Variants in WASF1 observed in about 807,000 individuals in gnomAD.
WASF1 encodes the protein actin-binding protein WASF1.
A neutral mutation model predicts 50.5 loss-of-function variants in WASF1; 7 were observed. The ratio of observed to expected loss-of-function variants is 0.14; its 90% CI spans 0.08 to 0.26. WASF1 has a LOEUF of 0.26. Ranked by LOEUF, WASF1 falls within the 10% of genes least tolerant of loss-of-function variation. The pLI, the probability that WASF1 is intolerant of heterozygous loss-of-function variation, is 1.00. For missense variants in WASF1, 470 were observed against 694.7 expected (o/e 0.68, Z 3.64); for synonymous variants, 205 against 244.0 (o/e 0.84, Z 1.49).
At chr6:110,103,937 G>T (rs1773205738) in intron 8 of WASF1, among the ~76,000 whole-genome samples, 1 of 151,984 alleles carries the variant, frequency 6.6e-6, no homozygotes, top group South Asian at 2.1e-4. Flanking sequence ...AGATGCCAAT[G>T]ACAGAAAGGT....
chr6:110,152,197 A>T (rs1489519907), intron 3 of WASF1, among the ~76,000 whole-genome samples: 1 of 152,148 alleles, frequency 6.6e-6, no homozygotes, highest in African/African-American at 2.4e-5. Context: ...CCAGCTGACA[A>T]CGGAGAAAGG....
rs184292948 is a variant in WASF1 at position 110,168,437 on chromosome 6, T to C, written c.-126-7705A>G. ...GTGATTTTTATGATGTTAACACTAC[T>C]GTATATGAGGCATGCAGTTGTGCAC... On this transcript the variant is annotated intron_variant, in intron 2 of 10. Coordinates refer to ENST00000392589, the MANE Select transcript of WASF1 (RefSeq NM_003931.3). 4.6e-5 allele frequency among the ~76,000 whole-genome samples: 7 copies of C among 152,264 alleles called. No individual in the cohort carries two copies. In the East Asian group the frequency reaches 1.4e-3, roughly 29 times the overall value.
chr6:110,163,196 A>G (rs1476313212), intron 2 of WASF1, among the ~76,000 whole-genome samples: 1 of 151,702 alleles, frequency 6.6e-6, no homozygotes, highest in African/African-American at 2.4e-5. Flanking sequence ...TATGAGAAAA[A>G]CTACAAAACT....
At chr6:110,148,138 A>C (rs1562182354) in intron 3 of WASF1, among the ~76,000 whole-genome samples, 1 of 152,226 alleles carries the variant, frequency 6.6e-6, no homozygotes, top group Non-Finnish European at 1.5e-5. Context: ...TTGAAAAACA[A>C]GATTGTCTTC....
intron 3 of WASF1, among the ~76,000 whole-genome samples, chr6:110,154,400 G>C (rs142215689): frequency 2.8e-4 from 43 of 152,076 alleles, no homozygotes; most frequent in African/African-American, 1.0e-3. Flanking sequence ...CTTTAGAAAA[G>C]AATTCTAAAG....
intron 5 of WASF1, among the ~76,000 whole-genome samples, chr6:110,111,624 G>C (rs1773561022): frequency 6.6e-6 from 1 of 152,144 alleles, no homozygotes; most frequent in African/African-American, 2.4e-5. Flanking sequence ...AATGAACCTT[G>C]AAAACATTAT....
chr6:110,169,859 C>T (rs1467905563), intron 2 of WASF1, among the ~76,000 whole-genome samples: 1 of 152,116 alleles, frequency 6.6e-6, no homozygotes, highest in East Asian at 1.9e-4. Flanking sequence ...CTAGCATATA[C>T]AGGTGCTCAA....
intron 5 of WASF1, among the ~76,000 whole-genome samples, chr6:110,108,948 T>C (rs1456160611): frequency 6.6e-6 from 1 of 152,218 alleles, no homozygotes; most frequent in African/African-American, 2.4e-5. Context: ...GAAACATATC[T>C]ACATTTCAAC....
intron 3 of WASF1, among the ~76,000 whole-genome samples, chr6:110,154,252 T>C (rs1455854865): frequency 6.6e-6 from 1 of 152,102 alleles, no homozygotes; most frequent in Non-Finnish European, 1.5e-5. Context: ...TACAATATCA[T>C]ATGGATTACA....
chr6:110,149,363 T>C (rs1381470321), intron 3 of WASF1, among the ~76,000 whole-genome samples: 1 of 151,922 alleles, frequency 6.6e-6, no homozygotes, highest in African/African-American at 2.4e-5. Context: ...ACCTGACTTC[T>C]AGAATAGAGA....
chr6:110,103,333 T>C lies in WASF1; in HGVS notation c.893+45A>G, dbSNP rs1475696327. On this transcript the variant is annotated intron_variant, in intron 9 of 10. Transcript: ENST00000392589. ...CTATATCGTCCTTGAAAGAAAAAGC[T>C]TACTGACTCCTAAGATAAAACATCA... 4 of 1,573,482 alleles carry C rather than the reference T, an allele frequency of 2.5e-6. No individual in the cohort carries two copies. In the Middle Eastern group the frequency reaches 5.1e-4, roughly 201 times the overall value.
chr6:110,130,027 A>C (rs544682209), intron 3 of WASF1, among the ~76,000 whole-genome samples: 27 of 152,334 alleles, frequency 1.8e-4, no homozygotes, highest in Admixed American at 4.6e-4. Context: ...AAAGGAGACA[A>C]TTTATTAATT....
intron 3 of WASF1, among the ~76,000 whole-genome samples, chr6:110,141,518 C>T (rs1775235064): frequency 6.6e-6 from 1 of 152,126 alleles, no homozygotes; most frequent in African/African-American, 2.4e-5. Context: ...ACAAATGCAT[C>T]TACCGAATTA....
chr6:110,162,201 A>C (rs1380228596), intron 2 of WASF1, among the ~76,000 whole-genome samples: 1 of 151,424 alleles, frequency 6.6e-6, no homozygotes, highest in African/African-American at 2.4e-5. Flanking sequence ...AGGTCCTAGA[A>C]TATAGACAAA....
intron 3 of WASF1, among the ~76,000 whole-genome samples, chr6:110,149,812 C>G (rs1390112822): frequency 6.6e-6 from 1 of 152,154 alleles, no homozygotes. Flanking sequence ...ATCACCTGAG[C>G]AGTGTACACT....
intron 2 of WASF1, among the ~76,000 whole-genome samples, chr6:110,166,209 G>GA (rs1398704691): frequency 4.7e-5 from 7 of 150,160 alleles, no homozygotes; most frequent in African/African-American, 1.2e-4. Flanking sequence ...AAACCAGGGA[G>GA]AAAAAAGACT....
At chr6:110,128,266 C>T (rs973124480) in intron 3 of WASF1, among the ~76,000 whole-genome samples, 7 of 152,184 alleles carry the variant, frequency 4.6e-5, no homozygotes, top group Non-Finnish European at 1.0e-4. Context: ...TCAGCTGCTG[C>T]ATGGTGAATT....
chr6:110,154,583 A>T (rs56209747), intron 3 of WASF1, among the ~76,000 whole-genome samples: 4,899 of 152,144 alleles, frequency 0.032, 99 homozygotes, highest in Middle Eastern at 0.051. Context: ...TAGACTTCAC[A>T]ATTTACCCAT....
intron 2 of WASF1, among the ~76,000 whole-genome samples, chr6:110,165,346 A>C (rs1273382521): frequency 1.3e-5 from 2 of 151,674 alleles, no homozygotes; most frequent in Admixed American, 6.6e-5. Flanking sequence ...CTGATCTAAA[A>C]AATAAAAGTA....
Sources: gnomAD v4.1 joint callset for allele counts (sites outside exome capture counted in the v4.1 genomes callset) on GRCh38, gnomAD v4.1.1 for gene constraint, MANE v1.5 for transcripts, NCBI Gene and HGNC (gene_info 2026-07-23, HGNC 2026-07-21) for gene names.